Variants in CCDC73 observed in about 807,000 individuals in gnomAD.
CCDC73 encodes coiled-coil domain containing 73, also known as coiled-coil domain-containing protein 73.
Under a neutral mutation model 116.5 loss-of-function variants are expected in CCDC73, and 95 were observed. The observed-to-expected ratio is 0.82, with a 90% CI of 0.69 to 0.97. CCDC73 has a LOEUF of 0.97. Among genes scored for constraint, CCDC73 ranks in the 50% least tolerant of loss-of-function variants. The probability of loss-of-function intolerance (pLI) is 0.00; values close to 1 mark genes in which losing one functional copy is unlikely to be tolerated. For synonymous variants in CCDC73, 398 were observed against 401.3 expected (o/e 0.99, Z 0.10); for missense variants, 1,066 against 1,206.8 (o/e 0.88, Z 1.73).
intron 1 of CCDC73, among the ~76,000 whole-genome samples, chr11:32,784,438 G>A (rs1358247077): frequency 6.6e-6 from 1 of 152,136 alleles, no homozygotes; most frequent in African/African-American, 2.4e-5. Flanking sequence ...TTATGATTAT[G>A]TTATTACTCT....
intron 2 of CCDC73, among the ~76,000 whole-genome samples, chr11:32,744,076 C>A (rs1486011318): frequency 6.6e-6 from 1 of 152,068 alleles, no homozygotes; most frequent in Admixed American, 6.6e-5. Context: ...TTTTGAGATA[C>A]GTTCCATCGA....
intron 14 of CCDC73, among the ~76,000 whole-genome samples, chr11:32,616,369 C>T (rs1209135967): frequency 2.0e-5 from 3 of 152,152 alleles, no homozygotes; most frequent in Non-Finnish European, 4.4e-5. Context: ...CATTTTCAAA[C>T]ATGCATACCA....
chr11:32,745,745 G>GTTTTTTTTTTTTT (rs140610634), intron 2 of CCDC73, among the ~76,000 whole-genome samples: 1 of 113,912 alleles, frequency 8.8e-6, no homozygotes. Flanking sequence ...GTTTGTTTTG[G>GTTTTTTTTTTTTT]TTTTTTTTTT....
intron 7 of CCDC73, 97 bp downstream of exon 7, chr11:32,683,439 A>T (rs750638972): frequency 1.2e-6 from 1 of 805,600 alleles, no homozygotes; most frequent in Non-Finnish European, 2.2e-6. Context: ...TCAACAATTA[A>T]TTTTTTCACT....
At chr11:32,722,445 CT>C (rs1756021418) in intron 2 of CCDC73, among the ~76,000 whole-genome samples, 1 of 152,118 alleles carries the variant, frequency 6.6e-6, no homozygotes, top group Non-Finnish European at 1.5e-5. Context: ...GAGGACTTAT[CT>C]GACTCACAGT....
chr11:32,657,651 C>T (rs116513399), intron 9 of CCDC73, among the ~76,000 whole-genome samples: 1,954 of 152,064 alleles, frequency 0.013, 37 homozygotes, highest in African/African-American at 0.045. Flanking sequence ...GATCAGTAGG[C>T]TATAAAGAGA....
chr11:32,680,556 CTTACT>C (rs1856134022), intron 7 of CCDC73: 1 of 152,122 alleles, frequency 6.6e-6, no homozygotes, highest in East Asian at 1.9e-4. Context: ...AGTCTAAAAG[CTTACT>C]TTAAAGCCTT....
intron 14 of CCDC73, among the ~76,000 whole-genome samples, chr11:32,622,615 A>G (rs1463250345): frequency 3.3e-5 from 5 of 150,902 alleles, no homozygotes; most frequent in African/African-American, 9.8e-5. Flanking sequence ...TGGCACACGT[A>G]TAACTATGTA....
intron 2 of CCDC73, among the ~76,000 whole-genome samples, chr11:32,748,045 G>A (rs992190039): frequency 6.6e-5 from 10 of 152,232 alleles, no homozygotes; most frequent in African/African-American, 2.4e-4. Context: ...CCTGGGAGCT[G>A]TAGACCGAAG....
chr11:32,747,260 T>C (rs973717540), intron 2 of CCDC73, among the ~76,000 whole-genome samples: 3 of 152,214 alleles, frequency 2.0e-5, no homozygotes, highest in African/African-American at 7.2e-5. Context: ...CAGTGGAGGC[T>C]GCAGAACAGC....
At position 32,656,518 on chromosome 11, in the gene CCDC73, G is replaced by C. The variant is rs1855874044; in HGVS notation, c.646-1546C>G. Among the ~76,000 whole-genome samples the C allele has an allele frequency of 2.0e-5, 3 of 152,096 alleles. No homozygotes were observed. The South Asian group carries it at 6.2e-4, about 31-fold the overall frequency. On this transcript the variant is annotated intron_variant, in intron 9 of 17. Coordinates refer to ENST00000335185, the MANE Select transcript of CCDC73 (RefSeq NM_001008391.4). ...GGATTAGTTATCACAAAAAAACAAG[G>C]ACTACTGCAAATCCATCTGTTGGTA...
At chr11:32,792,347 G>C (rs150250109) in intron 1 of CCDC73, among the ~76,000 whole-genome samples, 324 of 152,166 alleles carry the variant, frequency 2.1e-3, no homozygotes, top group African/African-American at 7.6e-3. Flanking sequence ...GGTAAGTATT[G>C]ACTCATGTGT....
At chr11:32,724,354 A>C (rs1446273859) in intron 2 of CCDC73, among the ~76,000 whole-genome samples, 1 of 152,156 alleles carries the variant, frequency 6.6e-6, no homozygotes, top group South Asian at 2.1e-4. Flanking sequence ...ATTATGATAC[A>C]TAATACATAC....
chr11:32,762,440 T>C (rs1590635160), intron 1 of CCDC73, among the ~76,000 whole-genome samples: 1 of 152,260 alleles, frequency 6.6e-6, no homozygotes, highest in East Asian at 1.9e-4. Context: ...TGATTTAAAA[T>C]GTATGGAATT....
At chr11:32,744,727 T>G (rs1165143124) in intron 2 of CCDC73, among the ~76,000 whole-genome samples, 7 of 152,234 alleles carry the variant, frequency 4.6e-5, no homozygotes, top group Non-Finnish European at 7.3e-5. Context: ...GACAGTAGTT[T>G]GTATTTCTGT....
chr11:32,740,123 T>C (rs1850170556), intron 2 of CCDC73, among the ~76,000 whole-genome samples: 1 of 149,008 alleles, frequency 6.7e-6, no homozygotes. Flanking sequence ...ATCAGAGATA[T>C]TAGCCTGTAG....
chr11:32,786,456 T>C (rs191776330), intron 1 of CCDC73, among the ~76,000 whole-genome samples: 1,394 of 116,182 alleles, frequency 0.012, 29 homozygotes, highest in African/African-American at 0.04. Context: ...ATTATTTATA[T>C]AATTATAATA....
intron 3 of CCDC73, among the ~76,000 whole-genome samples, chr11:32,715,700 A>T (rs1160934744): frequency 6.6e-6 from 1 of 152,218 alleles, no homozygotes; most frequent in Non-Finnish European, 1.5e-5. Flanking sequence ...GTAAGAACTG[A>T]GAATACCTGT....
At chr11:32,645,667 A>G (rs1421863631) in intron 12 of CCDC73, among the ~76,000 whole-genome samples, 1 of 152,206 alleles carries the variant, frequency 6.6e-6, no homozygotes, top group African/African-American at 2.4e-5. Context: ...ATAAACTGGT[A>G]ACAGTCATTA....
Sources: allele counts gnomAD v4.1 joint callset (sites outside exome capture counted in the v4.1 genomes callset), GRCh38; gene constraint gnomAD v4.1.1; transcripts MANE v1.5; gene names NCBI Gene and HGNC (gene_info 2026-07-23, HGNC 2026-07-21).